Variants in CSNK1G2 observed in about 807,000 individuals in gnomAD.
CSNK1G2 encodes the protein casein kinase I isoform gamma-2.
A neutral mutation model predicts 48.0 loss-of-function variants in CSNK1G2; 11 were observed. The observed-to-expected ratio is 0.23, with a 90% CI of 0.14 to 0.38. The LOEUF (loss-of-function observed/expected upper bound fraction) is 0.38. CSNK1G2 is among the 10% of genes least tolerant of loss of function. The pLI is 1.00. For missense variants in CSNK1G2, 446 were observed against 595.5 expected (o/e 0.75, Z 2.61); for synonymous variants, 337 against 254.1 (o/e 1.33, Z -3.10).
chr19:1,971,535 G>T (rs2015569728), intron 2 of CSNK1G2, among the ~76,000 whole-genome samples: 1 of 152,224 alleles, frequency 6.6e-6, no homozygotes, highest in East Asian at 1.9e-4. Flanking sequence ...AAATGCACAT[G>T]TGCACACTAA....
At chr19:1,970,722 C>T (rs1449340043) in intron 2 of CSNK1G2, among the ~76,000 whole-genome samples, 4 of 152,178 alleles carry the variant, frequency 2.6e-5, no homozygotes, top group Admixed American at 2.6e-4. Flanking sequence ...GGAGCTCCTG[C>T]GGGAGGGCAT....
At chr19:1,975,107 A>G in intron 2 of CSNK1G2, 3 of 985,466 alleles carry the variant, frequency 3.0e-6, no homozygotes, top group South Asian at 9.4e-5. Flanking sequence ...TTTCTTCCAC[A>G]GTGCAGAGTA....
chr19:1,965,666 A>C (rs761162499), intron 1 of CSNK1G2, among the ~76,000 whole-genome samples: 21 of 151,850 alleles, frequency 1.4e-4, no homozygotes, highest in Admixed American at 2.6e-4. Context: ...ATGCCCAGCT[A>C]ATTTTTATAT....
At chr19:1,950,098 A>G (rs1014985083) in intron 1 of CSNK1G2, among the ~76,000 whole-genome samples, 4 of 152,118 alleles carry the variant, frequency 2.6e-5, no homozygotes, top group Admixed American at 2.6e-4. Context: ...AGGCCACAAA[A>G]ATCAACGTTT....
intron 1 of CSNK1G2, among the ~76,000 whole-genome samples, chr19:1,958,989 A>G (rs1026325914): frequency 7.2e-6 from 1 of 138,022 alleles, no homozygotes; most frequent in African/African-American, 2.8e-5. Context: ...CCCTTCCCCA[A>G]ATTCCCCATG....
At chr19:1,975,639 G>T (rs539822033) in intron 2 of CSNK1G2, 2 of 985,348 alleles carry the variant, frequency 2.0e-6, no homozygotes, top group South Asian at 9.4e-5. Context: ...GAAGGGCAGC[G>T]CAGGAAGGAC....
chr19:1,948,841 G>A (rs1196867303), intron 1 of CSNK1G2, among the ~76,000 whole-genome samples: 4 of 152,236 alleles, frequency 2.6e-5, no homozygotes, highest in Admixed American at 6.5e-5. Flanking sequence ...CGTGGTCCGC[G>A]CACACATACC....
At position 1,980,414 on chromosome 19, in the gene CSNK1G2, T is replaced by G; in HGVS notation, c.*211T>G. The G allele has an allele frequency of 6.4e-6, 4 of 627,972 alleles. No homozygotes were observed. Among genetic ancestry groups the G allele is most frequent in the Non-Finnish European group, 1.1e-5 (4 of 352,912 alleles). 38.9% of individuals were successfully genotyped at this position (627,972 alleles called of 1,614,324 possible). ...CATGTAAGACTTTGGCCGAAATTTCTACACCTGTGTCTAGTCCTCCCCTCC... is the reference window on the plus strand; with the variant it reads ...CATGTAAGACTTTGGCCGAAATTTCGACACCTGTGTCTAGTCCTCCCCTCC... On this transcript the variant is annotated 3_prime_UTR_variant, in exon 12 of 12. Transcript: ENST00000255641.
intron 1 of CSNK1G2, among the ~76,000 whole-genome samples, chr19:1,960,892 A>G (rs2015176099): frequency 6.6e-6 from 1 of 152,206 alleles, no homozygotes; most frequent in Non-Finnish European, 1.5e-5. Flanking sequence ...CTGTCTCAAA[A>G]CAAAACAAAA....
intron 2 of CSNK1G2, among the ~76,000 whole-genome samples, chr19:1,970,337 G>A (rs915416791): frequency 2.2e-4 from 33 of 152,240 alleles, no homozygotes; most frequent in Non-Finnish European, 4.0e-4. Context: ...CACTCAGCTC[G>A]TGGGAGGTCT....
At chr19:1,966,776 G>A (rs1052499420) in intron 1 of CSNK1G2, among the ~76,000 whole-genome samples, 3 of 152,154 alleles carry the variant, frequency 2.0e-5, no homozygotes, top group African/African-American at 7.2e-5. Context: ...CGAGTCAGCC[G>A]CCGTCCACAT....
chr19:1,970,492 G>A (rs954284293), intron 2 of CSNK1G2, among the ~76,000 whole-genome samples: 1 of 152,232 alleles, frequency 6.6e-6, no homozygotes, highest in Non-Finnish European at 1.5e-5. Context: ...AACCTCTCCC[G>A]GGTCGGGGTC....
intron 1 of CSNK1G2, among the ~76,000 whole-genome samples, chr19:1,946,245 C>A (rs1167115667): frequency 1.4e-5 from 2 of 145,086 alleles, no homozygotes; most frequent in Non-Finnish European, 3.0e-5. Flanking sequence ...CGGGCCAGGG[C>A]TGGCCCATCA....
rs571562174 is a variant in CSNK1G2, at chr19:1,951,830, G to A, written c.-266+10412G>A. Among the ~76,000 whole-genome samples, 158 of 151,054 alleles carry A rather than the reference G, an allele frequency of 1.0e-3. 3 individuals are homozygous for A. Among genetic ancestry groups the A allele is most frequent in the Non-Finnish European group, 1.8e-3 (124 of 67,914 alleles). ...CGAGCAGCTGGGACCACAGGCGCCCGCCACCACAGCTGGCTAATTTTTTGT... is the reference window on the plus strand; with the variant it reads ...CGAGCAGCTGGGACCACAGGCGCCCACCACCACAGCTGGCTAATTTTTTGT... On this transcript the variant is annotated intron_variant, in intron 1 of 11. Transcript: ENST00000255641.
At chr19:1,977,577 A>G (rs370327886) in intron 2 of CSNK1G2, among the ~76,000 whole-genome samples, 1 of 151,676 alleles carries the variant, frequency 6.6e-6, no homozygotes, top group Non-Finnish European at 1.5e-5. Flanking sequence ...ACTTGGAGAA[A>G]CCCCGTCTCT....
At chr19:1,961,928 A>G (rs1599306571) in intron 1 of CSNK1G2, among the ~76,000 whole-genome samples, 1 of 151,980 alleles carries the variant, frequency 6.6e-6, no homozygotes, top group South Asian at 2.1e-4. Context: ...GTCTCCTGCC[A>G]CCTCCCTCGT....
chr19:1,979,383 T>C lies in CSNK1G2; in HGVS notation c.833T>C (p.Val278Ala), dbSNP rs757455663. ...GDTKRATPIE[V>A]LCENFPEEMA... ...ACCAAACGCGCCACGCCCATCGAGGTGCTCTGCGAGAACTTCCCAGGTAAG... is the reference window on the plus strand; with the variant it reads ...ACCAAACGCGCCACGCCCATCGAGGCGCTCTGCGAGAACTTCCCAGGTAAG... Residue 278 changes from valine to alanine, a missense_variant, in exon 8 of 12, where the codon GTG becomes GCG. This residue lies in a region of CSNK1G2 where 258 missense variants were observed against 415.9 expected (regional missense o/e 0.62). Coordinates refer to ENST00000255641, the MANE Select transcript of CSNK1G2 (RefSeq NM_001319.7). The C allele has an allele frequency of 7.5e-6, 12 of 1,597,750 alleles. No homozygotes were observed. Among genetic ancestry groups the C allele is most frequent in the Non-Finnish European group, 7.7e-6 (9 of 1,173,904 alleles).
At chr19:1,947,033 C>T (rs150310940) in intron 1 of CSNK1G2, among the ~76,000 whole-genome samples, 100 of 152,352 alleles carry the variant, frequency 6.6e-4, no homozygotes, top group African/African-American at 2.4e-3. Context: ...GGATTACAGG[C>T]GTGAGCCACC....
At chr19:1,950,611 A>G (rs928750890) in intron 1 of CSNK1G2, among the ~76,000 whole-genome samples, 3 of 146,140 alleles carry the variant, frequency 2.1e-5, no homozygotes, top group Admixed American at 6.8e-5. Flanking sequence ...GAGGGGGTGC[A>G]CTTAGAAACA....
Sources: allele counts gnomAD v4.1 joint callset (sites outside exome capture counted in the v4.1 genomes callset), GRCh38; gene constraint gnomAD v4.1.1; regional missense constraint gnomAD v4.1.1; transcripts MANE v1.5; gene names NCBI Gene and HGNC (gene_info 2026-07-23, HGNC 2026-07-21).